The following CLEC6A variants were observed in gnomAD, a reference collection of about 807,000 sequenced individuals.
CLEC6A encodes C-type lectin domain containing 6A, also known as C-type lectin domain family 6 member A.
In CLEC6A, 22 loss-of-function variants were observed where a neutral mutation model predicts 25.7. The observed-to-expected ratio is 0.85, with a 90% CI of 0.61 to 1.22. CLEC6A has a LOEUF of 1.22. CLEC6A is among the 50% of genes most tolerant of loss of function. The probability of loss-of-function intolerance (pLI) is 0.00; values close to 1 mark genes in which losing one functional copy is unlikely to be tolerated. For synonymous variants in CLEC6A, 92 were observed against 76.7 expected (o/e 1.20, Z -1.04); for missense variants, 240 against 236.8 (o/e 1.01, Z -0.09).
At chr12:8,465,394 A>C in intron 3 of CLEC6A, 90 bp from the exon 4 acceptor site, 3 of 1,267,920 alleles carry the variant, frequency 2.4e-6, no homozygotes, top group Non-Finnish European at 3.3e-6. Context: ...ACGTGAATTA[A>C]GAAACTGTCT....
In CLEC6A at chr12:8,459,990, TA is replaced by T. The variant is rs113428464; in HGVS notation, c.223+293del. ...TATTTATAACAATTCTTACAGTTCT[TA>T]CATTCCCCTCACCCTCCATCATAAA... On this transcript the variant is annotated intron_variant, in intron 3 of 5. Coordinates refer to ENST00000382073, the MANE Select transcript of CLEC6A (RefSeq NM_001007033.2). Among the ~76,000 whole-genome samples, 10 of 152,328 alleles carry T rather than the reference TA, an allele frequency of 6.6e-5. 3 individuals carry two copies. The highest frequency in any genetic ancestry group is 2.4e-4 in the African/African-American group (10 of 41,584).
intron 4 of CLEC6A, among the ~76,000 whole-genome samples, chr12:8,467,951 T>C (rs1445410868): frequency 6.6e-6 from 1 of 152,182 alleles, no homozygotes; most frequent in African/African-American, 2.4e-5. Context: ...TTTGCTTTTT[T>C]TTTTTCCCCA....
chr12:8,458,098 G>T, intron 2 of CLEC6A, 111 bp downstream of exon 2: 1 of 656,758 alleles, frequency 1.5e-6, no homozygotes, highest in Non-Finnish European at 2.6e-6. Flanking sequence ...GCTCTTACTT[G>T]GAATGCCACA....
chr12:8,460,824 T>G, intron 3 of CLEC6A: 1 of 1,105,156 alleles, frequency 9.0e-7, no homozygotes. Flanking sequence ...TTAGCCCTGG[T>G]GGCCAAAAAC....
intron 2 of CLEC6A, among the ~76,000 whole-genome samples, 186 bp from the exon 3 acceptor site, chr12:8,459,411 G>A (rs1356178015): frequency 6.6e-6 from 1 of 152,074 alleles, no homozygotes; most frequent in Non-Finnish European, 1.5e-5. Flanking sequence ...AAAATTAAAT[G>A]AGGGATATAT....
Position 8,477,502 on chromosome 12 carries a change from C to G in CLEC6A, c.*38C>G. The G allele has an allele frequency of 6.6e-7, 1 of 1,519,104 alleles. No individual in the cohort carries two copies. Among genetic ancestry groups the G allele is most frequent in the Non-Finnish European group, 8.9e-7 (1 of 1,125,428 alleles). 94.1% of individuals were successfully genotyped at this position (1,519,104 alleles called of 1,614,324 possible). A position where few individuals can be genotyped will look rare whatever the true frequency, so the allele number is the denominator to read the frequency against. ...TTGGAAAGAAGAGAAGAATTACTGA[C>G]GTAATTTTTTCCCTGACGTCTTTAA... On this transcript the variant is annotated 3_prime_UTR_variant, in exon 6 of 6. Transcript: ENST00000382073.
At chr12:8,467,820 G>T (rs1268095627) in intron 4 of CLEC6A, among the ~76,000 whole-genome samples, 1 of 152,098 alleles carries the variant, frequency 6.6e-6, no homozygotes, top group Non-Finnish European at 1.5e-5. Context: ...TATTTCCATT[G>T]ATTTGTGTCC....
At chr12:8,476,376 C>G (rs967841187) in intron 5 of CLEC6A, 136 bp downstream of exon 5, 2 of 568,782 alleles carry the variant, frequency 3.5e-6, no homozygotes, top group Non-Finnish European at 6.2e-6. Flanking sequence ...TATGCATTAT[C>G]TCACTTAAAC....
chr12:8,468,636 T>A (rs552721039), intron 4 of CLEC6A, among the ~76,000 whole-genome samples: 90 of 152,184 alleles, frequency 5.9e-4, no homozygotes, highest in Non-Finnish European at 1.0e-3. Context: ...GTTTAATATC[T>A]GCAAGTCAAT....
At chr12:8,472,638 A>G (rs899474263) in intron 4 of CLEC6A, among the ~76,000 whole-genome samples, 5 of 152,194 alleles carry the variant, frequency 3.3e-5, no homozygotes, top group African/African-American at 1.2e-4. Flanking sequence ...TCTGAAGTTT[A>G]CAAAGGCAAT....
intron 2 of CLEC6A, 128 bp downstream of exon 2, chr12:8,458,115 T>C (rs1939702681): frequency 3.3e-6 from 2 of 615,242 alleles, no homozygotes; most frequent in Non-Finnish European, 5.7e-6. Context: ...CACACTTTCC[T>C]TGATTTCTCC....
At chr12:8,456,540 G>A (rs7968198) in intron 1 of CLEC6A, among the ~76,000 whole-genome samples, 114,308 of 152,026 alleles carry the variant, frequency 0.75, 43,421 homozygotes, top group East Asian at 0.99. Context: ...TTTTGTAAGA[G>A]AAAAGCTTCC....
At chr12:8,458,602 G>A (rs1328753161) in intron 2 of CLEC6A, among the ~76,000 whole-genome samples, 3 of 152,172 alleles carry the variant, frequency 2.0e-5, no homozygotes, top group African/African-American at 7.2e-5. Context: ...CTGGGAGGGA[G>A]TGAAAGTGAC....
chr12:8,459,625 T>C lies in CLEC6A; in HGVS notation c.150T>C (p.Thr50=), dbSNP rs138045958. 97 of 1,612,324 alleles carry C rather than the reference T, an allele frequency of 6.0e-5. No homozygotes were observed. Among genetic ancestry groups the C allele is most frequent in the Non-Finnish European group, 7.8e-5 (92 of 1,178,462 alleles). Residue 50 remains threonine (T), a synonymous_variant, in exon 3 of 6, where the codon ACT becomes ACC. Transcript: ENST00000382073. ...CTTACCATTTTACATATGGTGAAAC[T>C]GGCAAAAGGCTGTCTGAACTACACT... ...VVTYHFTYGE[T]GKRLSELHSY...
intron 1 of CLEC6A, among the ~76,000 whole-genome samples, chr12:8,457,628 G>A (rs1418628656): frequency 6.6e-6 from 1 of 152,166 alleles, no homozygotes; most frequent in Non-Finnish European, 1.5e-5. Context: ...TTTGAGAAAC[G>A]AAATCAATGG....
chr12:8,466,774 C>T (rs1022873614), intron 4 of CLEC6A, among the ~76,000 whole-genome samples: 10 of 151,764 alleles, frequency 6.6e-5, no homozygotes, highest in Admixed American at 3.9e-4. Context: ...TCTGCCTCAA[C>T]CTCCCGAGTA....
chr12:8,467,110 A>G (rs1334128369), intron 4 of CLEC6A, among the ~76,000 whole-genome samples: 1 of 152,124 alleles, frequency 6.6e-6, no homozygotes, highest in African/African-American at 2.4e-5. Context: ...TACCAGATAT[A>G]TGGTTTGCAA....
Position 8,459,674 on chromosome 12 carries a change from T to G in CLEC6A, c.199T>G (p.Phe67Val). The G allele has an allele frequency of 6.2e-7, 1 of 1,612,518 alleles. No individual in the cohort carries two copies. Among genetic ancestry groups the G allele is most frequent in the South Asian group, 1.1e-5 (1 of 91,062 alleles). The change falls in exon 3 of 6, where the codon TTC becomes GTC. Residue 67 changes from phenylalanine to valine, a missense_variant. Coordinates refer to ENST00000382073, the MANE Select transcript of CLEC6A (RefSeq NM_001007033.2). Reference protein sequence around the residue: ...LHSYHSSLTCFSEGTKVPAWG... With the variant: ...LHSYHSSLTCVSEGTKVPAWG... ...CTCATATCATTCAAGTCTCACCTGC[T>G]TCAGTGAAGGGACAAAGGTGCCAGG... is the stretch of plus-strand genomic sequence containing the variant.
intron 2 of CLEC6A, among the ~76,000 whole-genome samples, chr12:8,458,664 T>C (rs1258359435): frequency 6.6e-6 from 1 of 152,192 alleles, no homozygotes; most frequent in African/African-American, 2.4e-5. Flanking sequence ...TTTAAATAAA[T>C]CTCACAATAT....
Sources: allele counts gnomAD v4.1 joint callset (sites outside exome capture counted in the v4.1 genomes callset), GRCh38; gene constraint gnomAD v4.1.1; transcripts MANE v1.5; gene names NCBI Gene and HGNC (gene_info 2026-07-23, HGNC 2026-07-21).